The following MAST2 variants were observed in gnomAD, a reference collection of about 807,000 sequenced individuals.
The protein encoded by MAST2 is microtubule associated serine/threonine kinase 2.
Under a neutral mutation model 147.4 loss-of-function variants are expected in MAST2, and 70 were observed. The ratio of observed to expected loss-of-function variants is 0.47; its 90% CI spans 0.39 to 0.58. The LOEUF (loss-of-function observed/expected upper bound fraction) is 0.58. Ranked by LOEUF, MAST2 falls within the 20% of genes least tolerant of loss-of-function variation. The pLI is 0.00. For synonymous variants in MAST2, 869 were observed against 896.8 expected (o/e 0.97, Z 0.55); for missense variants, 2,080 against 2,302.3 (o/e 0.90, Z 1.98).
chr1:46,024,965 G>C (rs770146565), intron 15 of MAST2, among the ~76,000 whole-genome samples: 3 of 152,178 alleles, frequency 2.0e-5, no homozygotes, highest in Non-Finnish European at 4.4e-5. Context: ...GAAGGTGAAA[G>C]GCATGTCTCA....
At chr1:45,877,289 G>A (rs1177209312) in intron 3 of MAST2, among the ~76,000 whole-genome samples, 1 of 152,042 alleles carries the variant, frequency 6.6e-6, no homozygotes, top group Admixed American at 6.6e-5. Flanking sequence ...ATGGGGTCTT[G>A]CTCTGTTGGC....
intron 5 of MAST2, among the ~76,000 whole-genome samples, chr1:45,963,988 CTT>C (rs1305439305): frequency 6.6e-6 from 1 of 152,106 alleles, no homozygotes; most frequent in Non-Finnish European, 1.5e-5. Context: ...TGGTTTTTGT[CTT>C]TGGTTCTGTT....
chr1:45,869,165 C>T (rs529484143), intron 3 of MAST2, among the ~76,000 whole-genome samples: 5 of 152,236 alleles, frequency 3.3e-5, no homozygotes, highest in Admixed American at 3.3e-4. Flanking sequence ...TACCTATCAA[C>T]CTTCTGATAA....
intron 4 of MAST2, among the ~76,000 whole-genome samples, chr1:45,941,294 C>G (rs1657223159): frequency 6.6e-6 from 1 of 152,184 alleles, no homozygotes; most frequent in Admixed American, 6.5e-5. Flanking sequence ...GAGTCTTGCT[C>G]TGTCACCCAG....
Position 46,030,237 on chromosome 1 carries a change from A to G in MAST2, c.2552A>G (p.Lys851Arg). 6.2e-7 allele frequency: 1 copy of G among 1,613,890 alleles called. No individual in the cohort carries two copies. The highest frequency in any genetic ancestry group is 8.5e-7 in the Non-Finnish European group (1 of 1,179,856). Reference sequence around the variant, plus strand: ...TCTTCCTGCTCTCCAAGGTTCAACAAGGTGTGACTGAGGAGGCCCAGAATG... The same window carrying G: ...TCTTCCTGCTCTCCAAGGTTCAACAGGGTGTGACTGAGGAGGCCCAGAATG... ...QFSSCSPRFN[K>R]VYSSMERLSL... is the part of the protein sequence containing the mutation. The change falls in exon 21 of 29, where the codon AAG becomes AGG. Residue 851 changes from lysine (K) to arginine (R), a missense_variant and splice_region_variant. Transcript: ENST00000361297.
chr1:45,882,843 G>A (rs1448920289), intron 4 of MAST2, among the ~76,000 whole-genome samples: 1 of 152,332 alleles, frequency 6.6e-6, no homozygotes, highest in Admixed American at 6.5e-5. Flanking sequence ...TATGTTGAAT[G>A]GAATAGGTTC....
At chr1:45,903,171 C>T (rs1394805841) in intron 4 of MAST2, among the ~76,000 whole-genome samples, 2 of 114,720 alleles carry the variant, frequency 1.7e-5, no homozygotes, top group African/African-American at 3.5e-5. Context: ...CACTCTGTCG[C>T]CCAGGCTGGA....
chr1:45,856,479 T>C (rs973214370), intron 3 of MAST2, among the ~76,000 whole-genome samples: 1 of 152,200 alleles, frequency 6.6e-6, no homozygotes, highest in Non-Finnish European at 1.5e-5. Context: ...CACATGTGAT[T>C]TTGACATCAA....
intron 1 of MAST2, among the ~76,000 whole-genome samples, chr1:45,811,856 G>A (rs981615292): frequency 4.4e-4 from 67 of 151,880 alleles, no homozygotes; most frequent in Non-Finnish European, 8.1e-4. Flanking sequence ...GGATGGTCTT[G>A]ATCTCCTGAC....
At chr1:45,995,718 C>T (rs182600997) in intron 5 of MAST2, among the ~76,000 whole-genome samples, 117 of 152,260 alleles carry the variant, frequency 7.7e-4, no homozygotes, top group Non-Finnish European at 1.4e-3. Flanking sequence ...TACCCGGCTC[C>T]CTCTAAACTG....
rs1646799733 is a variant in MAST2, at chr1:46,034,186, G to C, written c.3788G>C (p.Gly1263Ala). 6.2e-7 allele frequency: 1 copy of C among 1,613,986 alleles called. No individual in the cohort carries two copies. Among genetic ancestry groups the C allele is most frequent in the African/African-American group, 1.3e-5 (1 of 74,906 alleles). Residue 1263 changes from glycine (G) to alanine (A), a missense_variant, in exon 28 of 29, where the codon GGC becomes GCC. Physicochemically the swap from Gly to Ala is moderately conservative, Grantham distance 60. This residue lies in a region of MAST2 where 1,278 missense variants were observed against 1,304.2 expected (regional missense o/e 0.98). Coordinates refer to ENST00000361297, the MANE Select transcript of MAST2 (RefSeq NM_015112.3). Reference sequence around the variant, plus strand: ...TTGTCATCAGGGGAGAGTGGGCCAGGCTCTCCCACACACAGCCACAGCCTT... The same window carrying C: ...TTGTCATCAGGGGAGAGTGGGCCAGCCTCTCCCACACACAGCCACAGCCTT... ...RSLSSGESGP[G>A]SPTHSHSLSP...
At position 46,035,994 on chromosome 1, in the gene MAST2, C is replaced by A; in HGVS notation, c.5325C>A (p.Gly1775=). Residue 1775 remains glycine, a synonymous_variant, in exon 29 of 29, where the codon GGC becomes GGA. Coordinates refer to ENST00000361297, the MANE Select transcript of MAST2 (RefSeq NM_015112.3). The surrounding 1 kb of genome is among the most constrained non-coding windows in gnomAD (Gnocchi z 5.5). ...AGTCTGAGCCCAGCCTCAGGAGGGG[C>A]CAAGAACCAGGGGGCCATCAAAAGC... is the stretch of plus-strand genomic sequence containing the variant. The part of the protein sequence containing the change: ...TQKSEPSLRR[G]QEPGGHQKHR... The A allele has an allele frequency of 6.2e-7, 1 of 1,613,732 alleles. No individual in the cohort carries two copies.
In MAST2 at chr1:46,035,024, T is replaced by G; in HGVS notation, c.4355T>G (p.Val1452Gly). The G allele has an allele frequency of 6.2e-7, 1 of 1,613,910 alleles. No individual in the cohort carries two copies. The highest frequency in any genetic ancestry group is 8.5e-7 in the Non-Finnish European group (1 of 1,180,006). ...AGGGAAGTGAGCCCTCTGGAGGTAG[T>G]TGGAGCCAGGAGTGTGCTGTCTGGC... ...PPREVSPLEVVGARSVLSGKG... is the reference protein window; with the variant it reads ...PPREVSPLEVGGARSVLSGKG... Residue 1452 changes from valine (V) to glycine (G), a missense_variant, in exon 29 of 29, where the codon GTT becomes GGT. By Grantham distance (109) the Val-to-Gly change is moderately radical. Transcript: ENST00000361297. The surrounding 1 kb of genome is among the most constrained non-coding windows in gnomAD (Gnocchi z 5.5).
intron 5 of MAST2, among the ~76,000 whole-genome samples, chr1:45,979,621 T>A: frequency 6.6e-6 from 1 of 152,126 alleles, no homozygotes; most frequent in East Asian, 1.9e-4. Context: ...GGGAATTGCT[T>A]GAGACCAGCC....
intron 3 of MAST2, among the ~76,000 whole-genome samples, chr1:45,831,925 G>A (rs1290528072): frequency 1.3e-5 from 2 of 151,754 alleles, no homozygotes; most frequent in Admixed American, 6.6e-5. Flanking sequence ...GATTACAGGT[G>A]CGTACCACTA....
chr1:45,840,291 A>C (rs1161476573), intron 3 of MAST2, among the ~76,000 whole-genome samples: 1 of 152,238 alleles, frequency 6.6e-6, no homozygotes, highest in Non-Finnish European at 1.5e-5. Flanking sequence ...TGGAGGTAGA[A>C]ATCTAGAAGT....
In MAST2 at chr1:45,869,745, C is replaced by A. The variant is rs373553422; in HGVS notation, c.469-12619C>A. 7.2e-5 allele frequency among the ~76,000 whole-genome samples: 11 copies of A among 152,246 alleles called. No individual in the cohort carries two copies. In the East Asian group the frequency reaches 1.5e-3, roughly 21 times the overall value. On this transcript the variant is annotated intron_variant, in intron 3 of 28. Coordinates refer to ENST00000361297, the MANE Select transcript of MAST2 (RefSeq NM_015112.3). ...TTACAAAAAATAACAGTGTCTTTTG[C>A]AATTGATAGTTTTTCAGATTTGATA...
rs767731651 is a variant in MAST2 at position 45,843,952 on chromosome 1, G to A, written c.468+14371G>A. ...TTAAATACTTTGCCTGAACAAATTC[G>A]GAGCTGAATTTCATCTTGAATAGTT... On this transcript the variant is annotated intron_variant, in intron 3 of 28. Coordinates refer to ENST00000361297, the MANE Select transcript of MAST2 (RefSeq NM_015112.3). 2.8e-4 allele frequency among the ~76,000 whole-genome samples: 43 copies of A among 152,208 alleles called. 1 individual carries two copies. In the Middle Eastern group the frequency reaches 0.034, roughly 120 times the overall value.
chr1:45,951,282 T>A (rs116397936), intron 4 of MAST2, among the ~76,000 whole-genome samples: 204 of 151,798 alleles, frequency 1.3e-3, no homozygotes, highest in African/African-American at 4.8e-3. Context: ...TTAAAATTAT[T>A]AAGAATATAA....
Sources: allele counts gnomAD v4.1 joint callset (sites outside exome capture counted in the v4.1 genomes callset), GRCh38; gene constraint gnomAD v4.1.1; regional missense constraint gnomAD v4.1.1; non-coding constraint Gnocchi (gnomAD v3.1); transcripts MANE v1.5; gene names NCBI Gene and HGNC (gene_info 2026-07-23, HGNC 2026-07-21).